LARP4B: variants seen among roughly 807,000 people sequenced by gnomAD.
LARP4B encodes la-related protein 4B.
Under a neutral mutation model 89.8 loss-of-function variants are expected in LARP4B, and 12 were observed. The ratio of observed to expected loss-of-function variants is 0.13; its 90% CI spans 0.09 to 0.22. The LOEUF (loss-of-function observed/expected upper bound fraction) is 0.22. LARP4B is among the 10% of genes least tolerant of loss of function. LARP4B has a pLI of 1.00. For missense variants in LARP4B, 757 were observed against 947.7 expected, an observed-to-expected ratio of 0.80 and a Z score of 2.64; for synonymous variants, 367 against 363.3, an observed-to-expected ratio of 1.01 and a Z score of -0.12.
At chr10:938,396 G>A in the LARP4B span, among the ~76,000 whole-genome samples, 2 of 151,948 alleles carry the variant, frequency 1.3e-5, no homozygotes, top group Non-Finnish European at 2.9e-5. Flanking sequence ...GACTACAGGT[G>A]CCCAACACCA....
At chr10:874,864 T>C (rs1233265122) in intron 3 of LARP4B, among the ~76,000 whole-genome samples, 1 of 152,206 alleles carries the variant, frequency 6.6e-6, no homozygotes, top group Non-Finnish European at 1.5e-5. Flanking sequence ...ATGATAATGG[T>C]AGTCAACACT....
intron 8 of LARP4B, among the ~76,000 whole-genome samples, chr10:833,278 A>AC (rs1833015417): frequency 1.4e-5 from 2 of 142,678 alleles, no homozygotes; most frequent in Non-Finnish European, 1.6e-5. Flanking sequence ...AAAAAAAAAA[A>AC]AAAAAACCTC....
chr10:895,672 CAAA>C (rs1312520352), intron 1 of LARP4B, among the ~76,000 whole-genome samples: 3 of 64,136 alleles, frequency 4.7e-5, no homozygotes, highest in Non-Finnish European at 6.2e-5. Context: ...GAGTCCATCT[CAAA>C]AAAAAAAAAA....
intron 3 of LARP4B, among the ~76,000 whole-genome samples, chr10:878,737 G>A (rs1268568227): frequency 6.6e-6 from 1 of 152,210 alleles, no homozygotes; most frequent in African/African-American, 2.4e-5. Flanking sequence ...CTTCCTCCCA[G>A]TGATGTGACT....
rs140693677 is a variant in LARP4B, at chr10:858,251, A to G, written c.430+5492T>C. ...GGCCGAGAAAGAAATCCTTGCATAC[A>G]TGGCCAATTGTTTTTTTTAACAGGC... On this transcript the variant is annotated intron_variant, in intron 5 of 17. Coordinates refer to ENST00000316157, the MANE Select transcript of LARP4B (RefSeq NM_015155.3). Among the ~76,000 whole-genome samples, 190 of 152,244 alleles carry G rather than the reference A, an allele frequency of 1.2e-3. 2 individuals are homozygous for G. The highest frequency in any genetic ancestry group is 3.7e-3 in the African/African-American group (152 of 41,544).
intron 1 of LARP4B, among the ~76,000 whole-genome samples, chr10:930,984 GC>G (rs1446148819): frequency 6.7e-6 from 1 of 148,698 alleles, no homozygotes; most frequent in Non-Finnish European, 1.5e-5. Flanking sequence ...CCCAGGCCCT[GC>G]CCGACCCCCG....
chr10:902,572 C>A (rs1365588971), intron 1 of LARP4B, among the ~76,000 whole-genome samples: 1 of 151,972 alleles, frequency 6.6e-6, no homozygotes, highest in Non-Finnish European at 1.5e-5. Flanking sequence ...AATCTGCAGT[C>A]TAAGCAGGGC....
At chr10:964,259 G>A in the LARP4B span, among the ~76,000 whole-genome samples, 1 of 152,122 alleles carries the variant, frequency 6.6e-6, no homozygotes, top group Non-Finnish European at 1.5e-5. Flanking sequence ...TAGAGATGGG[G>A]TTTCACCATG....
At chr10:850,413 G>T (rs1175153450) in intron 5 of LARP4B, among the ~76,000 whole-genome samples, 2 of 152,126 alleles carry the variant, frequency 1.3e-5, no homozygotes, top group Non-Finnish European at 2.9e-5. Context: ...TGAGAGCAAA[G>T]ACTATTACTA....
intron 3 of LARP4B, among the ~76,000 whole-genome samples, chr10:872,624 A>G (rs1835274845): frequency 6.6e-6 from 1 of 152,136 alleles, no homozygotes; most frequent in South Asian, 2.1e-4. Context: ...TTTCTCTACT[A>G]AAGAGTTTTT....
At chr10:834,291 G>A (rs1309339437) in intron 8 of LARP4B, among the ~76,000 whole-genome samples, 1 of 152,180 alleles carries the variant, frequency 6.6e-6, no homozygotes, top group Non-Finnish European at 1.5e-5. Context: ...TTGACTAACG[G>A]TAAATTAGGA....
At chr10:899,142 T>TA (rs1200280319) in intron 1 of LARP4B, among the ~76,000 whole-genome samples, 2 of 152,236 alleles carry the variant, frequency 1.3e-5, no homozygotes, top group Non-Finnish European at 2.9e-5. Flanking sequence ...TTTCTCTTTT[T>TA]ATACAACAAA....
chr10:940,033 T>C, the LARP4B span, among the ~76,000 whole-genome samples: 5 of 139,882 alleles, frequency 3.6e-5, no homozygotes, highest in Non-Finnish European at 7.5e-5. Context: ...TTTTTTTTTT[T>C]TGAGACGGAG....
intron 5 of LARP4B, among the ~76,000 whole-genome samples, chr10:863,376 C>A (rs180800189): frequency 2.0e-5 from 3 of 152,092 alleles, no homozygotes; most frequent in Admixed American, 6.5e-5. Context: ...GCGCCCGCCA[C>A]CACGCCCAGC....
chr10:867,629 G>C (rs1564418557), intron 3 of LARP4B, among the ~76,000 whole-genome samples: 2 of 152,092 alleles, frequency 1.3e-5, no homozygotes, highest in Non-Finnish European at 2.9e-5. Flanking sequence ...GGGAGGCCAA[G>C]ATGGGCAGAT....
At chr10:905,067 C>G (rs2131999119) in intron 1 of LARP4B, among the ~76,000 whole-genome samples, 1 of 152,280 alleles carries the variant, frequency 6.6e-6, no homozygotes, top group South Asian at 2.1e-4. Flanking sequence ...GATCCCATCC[C>G]CAAGATACCT....
chr10:838,045 G>A (rs1833322241), intron 7 of LARP4B, among the ~76,000 whole-genome samples: 3 of 152,126 alleles, frequency 2.0e-5, no homozygotes, highest in Admixed American at 2.0e-4. Context: ...GTGGAGCAAA[G>A]GAGCATCTTT....
At chr10:958,137 A>G in the LARP4B span, among the ~76,000 whole-genome samples, 1 of 152,086 alleles carries the variant, frequency 6.6e-6, no homozygotes, top group East Asian at 1.9e-4. Flanking sequence ...ATGTTCCTAA[A>G]GTGCCCACTG....
intron 5 of LARP4B, among the ~76,000 whole-genome samples, chr10:854,307 G>A (rs1197389304): frequency 6.6e-6 from 1 of 152,100 alleles, no homozygotes; most frequent in Non-Finnish European, 1.5e-5. Context: ...CTTCCCTCAC[G>A]AATCACAAAT....
Sources: gnomAD v4.1 joint callset for allele counts (sites outside exome capture counted in the v4.1 genomes callset) on GRCh38, gnomAD v4.1.1 for gene constraint, MANE v1.5 for transcripts, NCBI Gene and HGNC (gene_info 2026-07-23, HGNC 2026-07-21) for gene names.